The following TMEM45A variants were observed in gnomAD, a reference collection of about 807,000 sequenced individuals.
TMEM45A encodes the protein transmembrane protein 45A.
A neutral mutation model predicts 32.0 loss-of-function variants in TMEM45A; 25 were observed. The observed-to-expected ratio is 0.78, with a 90% CI of 0.57 to 1.09. TMEM45A has a LOEUF of 1.09. Among genes scored for constraint, TMEM45A ranks in the 50% least tolerant of loss-of-function variants. The pLI is 0.00. For synonymous variants in TMEM45A, 122 were observed against 114.8 expected (o/e 1.06, Z -0.40); for missense variants, 302 against 325.0 (o/e 0.93, Z 0.54).
intron 1 of TMEM45A, among the ~76,000 whole-genome samples, chr3:100,513,684 T>C (rs1248096211): frequency 6.6e-6 from 1 of 151,602 alleles, no homozygotes; most frequent in African/African-American, 2.4e-5. Context: ...GGAAGTCAAA[T>C]TGTCCCTGTT....
At chr3:100,494,193 G>A (rs1301735853) in intron 1 of TMEM45A, among the ~76,000 whole-genome samples, 1 of 152,160 alleles carries the variant, frequency 6.6e-6, no homozygotes, top group Non-Finnish European at 1.5e-5. Context: ...TCTGAAACAT[G>A]TATAATCCCC....
At chr3:100,494,116 A>T (rs1707889562) in intron 1 of TMEM45A, among the ~76,000 whole-genome samples, 1 of 152,238 alleles carries the variant, frequency 6.6e-6, no homozygotes. Flanking sequence ...TCCGGTATAC[A>T]TTACAGGATT....
intron 1 of TMEM45A, among the ~76,000 whole-genome samples, chr3:100,511,871 CAAAG>C (rs1270736860): frequency 6.6e-6 from 1 of 151,952 alleles, no homozygotes; most frequent in Non-Finnish European, 1.5e-5. Flanking sequence ...TCAAAAAAGA[CAAAG>C]AAGGCCATTA....
chr3:100,502,977 T>TTTCCTCTTCCTCCTTCTCCTC (rs1466739245), intron 1 of TMEM45A, among the ~76,000 whole-genome samples: 1 of 151,012 alleles, frequency 6.6e-6, no homozygotes, highest in Non-Finnish European at 1.5e-5. Context: ...TCCTTCTCCT[T>TTTCCTCTTCCTCCTTCTCCTC]CTCCTCTTCC....
rs532375316 is a variant in TMEM45A, at chr3:100,497,886, T to G, written c.-4+4958T>G. Among the ~76,000 whole-genome samples, 390 of 152,326 alleles carry G rather than the reference T, an allele frequency of 2.6e-3. 1 individual carries two copies. The highest frequency in any genetic ancestry group is 4.9e-3 in the Non-Finnish European group (333 of 68,028). On this transcript the variant is annotated intron_variant, in intron 1 of 5. Transcript: ENST00000323523. ...TGTCTAGGCCACAGTACTGAGCTAT[T>G]TGGCCAAACATTATCCTAAATGTTT... is the stretch of plus-strand genomic sequence containing the variant.
At chr3:100,561,274 G>A (rs1255221019) in intron 4 of TMEM45A, among the ~76,000 whole-genome samples, 1 of 152,086 alleles carries the variant, frequency 6.6e-6, no homozygotes, top group Non-Finnish European at 1.5e-5. Context: ...ACAATATTAT[G>A]TCGTGACTTG....
chr3:100,558,083 T>A (rs2148984255), intron 3 of TMEM45A, among the ~76,000 whole-genome samples: 1 of 152,336 alleles, frequency 6.6e-6, no homozygotes, highest in East Asian at 1.9e-4. Flanking sequence ...ATCCTTTTCA[T>A]TTAGATAAAG....
chr3:100,514,669 T>A (rs1308578411), intron 1 of TMEM45A, among the ~76,000 whole-genome samples: 1 of 152,046 alleles, frequency 6.6e-6, no homozygotes, highest in Non-Finnish European at 1.5e-5. Context: ...CAAAACAAAC[T>A]ACCATCAGAG....
chr3:100,555,199 A>C lies in TMEM45A; in HGVS notation c.-3-10A>C. The C allele has an allele frequency of 6.3e-7, 1 of 1,583,886 alleles. No individual in the cohort carries two copies. Among genetic ancestry groups the C allele is most frequent in the East Asian group, 2.2e-5 (1 of 44,508 alleles). ...TGTCTTTTACTTTCTGTGTGTTCTT[A>C]TATTTGTAGATCATGGGGAATTTCA... On this transcript the variant is annotated splice_polypyrimidine_tract_variant and intron_variant, in intron 1 of 5. Transcript: ENST00000323523.
At chr3:100,510,383 C>T (rs1208944566) in intron 1 of TMEM45A, among the ~76,000 whole-genome samples, 16 of 152,168 alleles carry the variant, frequency 1.1e-4, no homozygotes, top group African/African-American at 2.7e-4. Context: ...TGGCTGGGTA[C>T]TCCAACAGAC....
chr3:100,554,986 G>A (rs1273909290), intron 1 of TMEM45A, among the ~76,000 whole-genome samples: 2 of 152,126 alleles, frequency 1.3e-5, no homozygotes, highest in Non-Finnish European at 2.9e-5. Flanking sequence ...CAGAGTACAT[G>A]GTAAGTATTC....
chr3:100,527,820 C>T (rs764289549), intron 1 of TMEM45A, among the ~76,000 whole-genome samples: 3 of 151,972 alleles, frequency 2.0e-5, no homozygotes, highest in African/African-American at 2.4e-5. Context: ...AGGAATAGCC[C>T]GGGTATAATT....
At chr3:100,559,789 G>A (rs6805186) in intron 4 of TMEM45A, among the ~76,000 whole-genome samples, 64,306 of 151,462 alleles carry the variant, frequency 0.42, 13,791 homozygotes, top group Middle Eastern at 0.48. Flanking sequence ...CTGACACATA[G>A]CAATGACAGA....
At chr3:100,571,196 C>T (rs751901221) in intron 5 of TMEM45A, 1 of 152,052 alleles carries the variant, frequency 6.6e-6, no homozygotes, top group Non-Finnish European at 1.5e-5. Context: ...TTAAGATAGA[C>T]CTTCCCTCCA....
chr3:100,559,620 T>G (rs138803899), intron 4 of TMEM45A, among the ~76,000 whole-genome samples: 69 of 152,132 alleles, frequency 4.5e-4, no homozygotes, highest in African/African-American at 1.5e-3. Context: ...TAAAATATTA[T>G]ATAAAATCTA....
intron 1 of TMEM45A, among the ~76,000 whole-genome samples, chr3:100,535,240 C>G (rs916834582): frequency 1.3e-5 from 2 of 152,002 alleles, no homozygotes; most frequent in Non-Finnish European, 2.9e-5. Flanking sequence ...CCTGCCTCAG[C>G]CTTCCGAGTA....
intron 1 of TMEM45A, chr3:100,519,631 A>T: frequency 6.5e-7 from 1 of 1,550,334 alleles, no homozygotes; most frequent in Non-Finnish European, 8.7e-7. Flanking sequence ...TTTCTGCAGT[A>T]ACCTTTGGTG....
intron 1 of TMEM45A, among the ~76,000 whole-genome samples, chr3:100,520,928 C>T (rs955772159): frequency 3.9e-5 from 6 of 152,116 alleles, no homozygotes; most frequent in African/African-American, 9.7e-5. Flanking sequence ...CTTTGCAGTA[C>T]GAGGATGGGA....
chr3:100,513,313 G>A (rs1437750939), intron 1 of TMEM45A, among the ~76,000 whole-genome samples: 1 of 152,176 alleles, frequency 6.6e-6, no homozygotes, highest in African/African-American at 2.4e-5. Context: ...ATGCAAGGCT[G>A]GTTTGATATA....
Sources: gnomAD v4.1 joint callset for allele counts (sites outside exome capture counted in the v4.1 genomes callset) on GRCh38, gnomAD v4.1.1 for gene constraint, MANE v1.5 for transcripts, NCBI Gene and HGNC (gene_info 2026-07-23, HGNC 2026-07-21) for gene names.